The following UXS1 variants were observed in gnomAD, a reference collection of about 807,000 sequenced individuals.
UXS1 encodes the protein UDP-glucuronic acid decarboxylase 1.
In UXS1, 33 loss-of-function variants were observed where a neutral mutation model predicts 62.6. The ratio of observed to expected loss-of-function variants is 0.53; its 90% confidence interval spans 0.40 to 0.70. The LOEUF (loss-of-function observed/expected upper bound fraction) is 0.70. UXS1 is among the 30% of genes least tolerant of loss of function. The probability of loss-of-function intolerance (pLI) is 0.00; values close to 1 mark genes in which losing one functional copy is unlikely to be tolerated. For synonymous variants in UXS1, 213 were observed against 206.8 expected (o/e 1.03, Z -0.26); for missense variants, 434 against 556.3 (o/e 0.78, Z 2.21).
At chr2:106,142,890 T>C (rs1681233086) in intron 6 of UXS1, among the ~76,000 whole-genome samples, 1 of 144,934 alleles carries the variant, frequency 6.9e-6, no homozygotes, top group African/African-American at 2.5e-5. Context: ...CTTCATTCAA[T>C]GTGTGGGTGT....
intron 1 of UXS1, among the ~76,000 whole-genome samples, chr2:106,174,335 A>T (rs537178929): frequency 6.6e-6 from 1 of 152,230 alleles, no homozygotes; most frequent in Non-Finnish European, 1.5e-5. Context: ...AGTCTGAGCA[A>T]ATCTGGAAGC....
chr2:106,111,104 G>A (rs571204107), intron 10 of UXS1, among the ~76,000 whole-genome samples: 4 of 152,318 alleles, frequency 2.6e-5, no homozygotes, highest in Admixed American at 2.6e-4. Flanking sequence ...CCCTCCAGCT[G>A]CGGGGTTGAG....
intron 6 of UXS1, among the ~76,000 whole-genome samples, chr2:106,144,575 G>A (rs1383768489): frequency 1.3e-5 from 2 of 152,134 alleles, no homozygotes; most frequent in Non-Finnish European, 2.9e-5. Context: ...GTATTTCTCT[G>A]GTGAATTAAC....
intron 5 of UXS1, among the ~76,000 whole-genome samples, chr2:106,154,248 T>C (rs1197044383): frequency 6.6e-6 from 1 of 152,012 alleles, no homozygotes; most frequent in Non-Finnish European, 1.5e-5. Context: ...CAAACAAAAA[T>C]AGATGCACAC....
rs979133699 is a variant in UXS1 at position 106,142,358 on chromosome 2, C to G, written c.472+2832G>C. Among the ~76,000 whole-genome samples the G allele has an allele frequency of 5.3e-5, 8 of 152,184 alleles. 1 individual carries two copies. The highest frequency in any genetic ancestry group is 1.9e-4 in the African/African-American group (8 of 41,524). ...TTTATCAAATATATAAACAAGAAACCTAATTCTTTCATTTAGTTCAAAGTA... is the reference window on the plus strand; with the variant it reads ...TTTATCAAATATATAAACAAGAAACGTAATTCTTTCATTTAGTTCAAAGTA... On this transcript the variant is annotated intron_variant, in intron 6 of 14. Coordinates refer to ENST00000283148, the MANE Select transcript of UXS1 (RefSeq NM_001253875.2).
chr2:106,125,607 G>A lies in UXS1; in HGVS notation c.637+13C>T. 6.4e-7 allele frequency: 1 copy of A among 1,560,248 alleles called. No homozygotes were observed. The highest frequency in any genetic ancestry group is 8.7e-7 in the Non-Finnish European group (1 of 1,152,652). On this transcript the variant is annotated intron_variant, in intron 8 of 14. Transcript: ENST00000283148. Reference sequence around the variant, plus strand: ...GCTGGAGTGAACATCTCCTGAGAGAGCCTCCTACTCACCTCCATACACCTC... The same window carrying A: ...GCTGGAGTGAACATCTCCTGAGAGAACCTCCTACTCACCTCCATACACCTC...
At chr2:106,126,852 G>C (rs149388943) in intron 7 of UXS1, among the ~76,000 whole-genome samples, 11 of 152,190 alleles carry the variant, frequency 7.2e-5, no homozygotes, top group African/African-American at 2.6e-4. Context: ...AAAAGTGATA[G>C]AGCATTTCCA....
chr2:106,145,388 G>T lies in UXS1; in HGVS notation c.292-18C>A, dbSNP rs1412618484. 1 of 1,600,134 alleles carries T rather than the reference G, an allele frequency of 6.2e-7. No homozygotes were observed. On this transcript the variant is annotated intron_variant, in intron 5 of 14. Coordinates refer to ENST00000283148, the MANE Select transcript of UXS1 (RefSeq NM_001253875.2). ...CCTGTTATCTGCATCCGGACAGCGTGTGCAGAGCATTCCCAGAAAAAGCAC... is the reference window on the plus strand; with the variant it reads ...CCTGTTATCTGCATCCGGACAGCGTTTGCAGAGCATTCCCAGAAAAAGCAC...
chr2:106,183,573 T>C (rs769963967), intron 1 of UXS1: 1 of 152,200 alleles, frequency 6.6e-6, no homozygotes, highest in Non-Finnish European at 1.5e-5. Context: ...CCCTTCTAAA[T>C]GCAGGGCGAT....
chr2:106,163,509 T>C (rs1381384743), intron 4 of UXS1, among the ~76,000 whole-genome samples, 158 bp downstream of exon 4: 1 of 152,226 alleles, frequency 6.6e-6, no homozygotes, highest in African/African-American at 2.4e-5. Context: ...TTGATTCTTC[T>C]CCCCATGTTC....
chr2:106,151,640 G>C (rs1251587738), intron 5 of UXS1, among the ~76,000 whole-genome samples: 1 of 152,056 alleles, frequency 6.6e-6, no homozygotes, highest in Non-Finnish European at 1.5e-5. Context: ...AACAAACTAA[G>C]AAAAGTAGAC....
At chr2:106,136,704 T>C (rs1258198472) in intron 6 of UXS1, among the ~76,000 whole-genome samples, 3 of 52,902 alleles carry the variant, frequency 5.7e-5, no homozygotes, top group South Asian at 7.1e-4. Context: ...TAGGTGGGAA[T>C]TGAACAATGA....
At chr2:106,097,444 C>T (rs1044305973) in intron 13 of UXS1, 2 of 345,668 alleles carry the variant, frequency 5.8e-6, no homozygotes, top group Non-Finnish European at 5.8e-6. Flanking sequence ...TCCCTGCCTC[C>T]GTGTCATGGA....
At chr2:106,155,768 C>T (rs530101491) in intron 5 of UXS1, among the ~76,000 whole-genome samples, 3 of 152,218 alleles carry the variant, frequency 2.0e-5, no homozygotes, top group Admixed American at 6.5e-5. Context: ...TGTACATTTA[C>T]GGTAAAATTA....
intron 1 of UXS1, among the ~76,000 whole-genome samples, chr2:106,182,757 G>T (rs1380259734): frequency 7.2e-6 from 1 of 139,832 alleles, no homozygotes; most frequent in African/African-American, 2.6e-5. Context: ...CTCACTGCAG[G>T]ATAGTTGGGT....
chr2:106,097,044 C>T lies in UXS1; in HGVS notation c.1043-223G>A, dbSNP rs540791835. On this transcript the variant is annotated intron_variant, in intron 13 of 14. Transcript: ENST00000283148. Reference sequence around the variant, plus strand: ...TGTGGCCAAGCTGACTGTGTGCAGGCGCCCAGCAAGAGCTCGGTGGGGGGC... The same window carrying T: ...TGTGGCCAAGCTGACTGTGTGCAGGTGCCCAGCAAGAGCTCGGTGGGGGGC... 2.0e-3 allele frequency: 1,296 copies of T among 664,570 alleles called. 4 individuals are homozygous for T. The highest frequency in any genetic ancestry group is 3.1e-3 in the South Asian group (204 of 66,426). The allele number at this position is 664,570 out of a possible 1,614,324, so 41.2% of individuals were successfully genotyped here.
At chr2:106,158,545 A>G (rs1048513698) in intron 4 of UXS1, among the ~76,000 whole-genome samples, 2 of 152,132 alleles carry the variant, frequency 1.3e-5, no homozygotes, top group African/African-American at 4.8e-5. Context: ...TTTTGTTTTT[A>G]TTGTTTTTGC....
chr2:106,119,335 A>C (rs1326420745), intron 9 of UXS1, among the ~76,000 whole-genome samples: 2 of 152,130 alleles, frequency 1.3e-5, no homozygotes, highest in East Asian at 1.9e-4. Context: ...CAGGCCCCAC[A>C]GGTAGCCAGC....
chr2:106,141,396 G>C (rs75399802), intron 6 of UXS1, among the ~76,000 whole-genome samples: 2,758 of 152,322 alleles, frequency 0.018, 42 homozygotes, highest in East Asian at 0.065. Flanking sequence ...GCTGTTTCCT[G>C]AGGAGAGCTG....
Sources: allele counts gnomAD v4.1 joint callset (sites outside exome capture counted in the v4.1 genomes callset), GRCh38; gene constraint gnomAD v4.1.1; transcripts MANE v1.5; gene names NCBI Gene and HGNC (gene_info 2026-07-23, HGNC 2026-07-21).